MSH3: variants seen among roughly 807,000 people sequenced by gnomAD.
MSH3 encodes mutS homolog 3.
MSH3 carries 106 observed loss-of-function variants against 123.3 expected under a neutral mutation model. That is an observed-to-expected ratio of 0.86 (90% CI 0.73 to 1.01). The LOEUF (loss-of-function observed/expected upper bound fraction) is 1.01, where lower values mean the gene tolerates loss of function less well. Among genes scored for constraint, MSH3 ranks in the 50% least tolerant of loss-of-function variants. The pLI is 0.00. For synonymous variants in MSH3, 515 were observed against 481.4 expected (o/e 1.07, Z -0.91); for missense variants, 1,459 against 1,347.6 (o/e 1.08, Z -1.29).
chr5:80,654,906 C>CG lies in MSH3; in HGVS notation c.179_180insG (p.Ala61ArgfsTer24). 6.6e-7 allele frequency: 1 copy of CG among 1,511,246 alleles called. No homozygotes were observed. Among genetic ancestry groups the CG allele is most frequent in the Non-Finnish European group, 8.8e-7 (1 of 1,135,160 alleles). 93.6% of individuals were successfully genotyped at this position (1,511,246 alleles called of 1,614,324 possible). ...GCAGCGGCTGCAGCGGCCGCAGCGG[C>CG]CGCAGCGCCCCCAGCGCCCCCAGCT... On this transcript the variant is annotated frameshift_variant, in exon 1 of 24. Coordinates refer to ENST00000265081, the MANE Select transcript of MSH3 (RefSeq NM_002439.5). LOFTEE classifies it high-confidence loss of function.
In MSH3 at chr5:80,707,580, CA is replaced by C. The variant is rs772870645; in HGVS notation, c.1341-17868del. 3.6e-4 allele frequency among the ~76,000 whole-genome samples: 54 copies of C among 151,640 alleles called. No individual in the cohort carries two copies. The South Asian group carries it at 5.6e-3, about 16-fold the overall frequency. On this transcript the variant is annotated intron_variant, in intron 8 of 23. Transcript: ENST00000265081. ...TCTAAAAAAAAAAACAAAAAAACCC[CA>C]AAAAGCCAGATGTGGTGGCACAAGC...
intron 17 of MSH3, among the ~76,000 whole-genome samples, chr5:80,779,116 C>G (rs1744363687): frequency 6.6e-6 from 1 of 151,884 alleles, no homozygotes; most frequent in Non-Finnish European, 1.5e-5. Flanking sequence ...CCTCAGCCTC[C>G]TGAGTAGCTG....
chr5:80,845,581 A>G (rs1006358674), intron 20 of MSH3, among the ~76,000 whole-genome samples: 2 of 152,126 alleles, frequency 1.3e-5, no homozygotes, highest in Admixed American at 1.3e-4. Flanking sequence ...CCCATATTTC[A>G]TGGAGGCTTT....
At position 80,761,638 on chromosome 5, in the gene MSH3, C is replaced by A. The variant is rs1346767026; in HGVS notation, c.1856C>A (p.Pro619His). 1 of 1,613,938 alleles carries A rather than the reference C, an allele frequency of 6.2e-7. No individual in the cohort carries two copies. The highest frequency in any genetic ancestry group is 2.2e-5 in the East Asian group (1 of 44,868). ...GQIENHLRKLPDIERGLCSIY... is the reference protein window; with the variant it reads ...GQIENHLRKLHDIERGLCSIY... ...ATAGAAAATCATCTACGTAAATTGC[C>A]CGACATAGAGAGGGGACTCTGTAGC... Residue 619 changes from proline (P) to histidine (H), a missense_variant, in exon 13 of 24, where the codon CCC (proline) becomes CAC (histidine). Pro to His is a moderately conservative substitution (Grantham distance 77). Coordinates refer to ENST00000265081, the MANE Select transcript of MSH3 (RefSeq NM_002439.5).
chr5:80,760,999 T>A (rs1744022099), intron 12 of MSH3, among the ~76,000 whole-genome samples: 2 of 152,298 alleles, frequency 1.3e-5, no homozygotes, highest in South Asian at 4.1e-4. Context: ...TTTCCTTGTA[T>A]GATACCTGCT....
chr5:80,832,820 A>C (rs1040530362), intron 20 of MSH3, among the ~76,000 whole-genome samples: 1 of 152,046 alleles, frequency 6.6e-6, no homozygotes, highest in African/African-American at 2.4e-5. Context: ...TCTACTTAAC[A>C]ATTTTAATAT....
At chr5:80,679,699 G>T (rs1394920860) in intron 8 of MSH3, among the ~76,000 whole-genome samples, 1 of 152,190 alleles carries the variant, frequency 6.6e-6, no homozygotes, top group Non-Finnish European at 1.5e-5. Flanking sequence ...AGAAGATGTG[G>T]TTATGATATA....
chr5:80,836,432 T>C (rs940556990), intron 20 of MSH3, among the ~76,000 whole-genome samples: 3 of 149,526 alleles, frequency 2.0e-5, no homozygotes, highest in Non-Finnish European at 3.0e-5. Flanking sequence ...TTAAGGATGA[T>C]AAGGCTTCCA....
intron 3 of MSH3, among the ~76,000 whole-genome samples, chr5:80,667,161 C>CT (rs1222601779): frequency 6.6e-6 from 1 of 151,962 alleles, no homozygotes; most frequent in African/African-American, 2.4e-5. Context: ...AAGGATAAAA[C>CT]TTTTTTTTCC....
intron 2 of MSH3, among the ~76,000 whole-genome samples, chr5:80,661,366 T>C (rs1242060237): frequency 2.0e-5 from 3 of 152,204 alleles, no homozygotes; most frequent in Non-Finnish European, 4.4e-5. Context: ...TGTACTTCAT[T>C]GTGGATAGAT....
chr5:80,760,659 G>T (rs1439077392), intron 12 of MSH3, among the ~76,000 whole-genome samples: 3 of 152,194 alleles, frequency 2.0e-5, no homozygotes, highest in Non-Finnish European at 4.4e-5. Flanking sequence ...CTCCGTCTAA[G>T]TGGCTTAAAT....
intron 20 of MSH3, among the ~76,000 whole-genome samples, chr5:80,852,351 T>C (rs1449434121): frequency 6.6e-6 from 1 of 152,018 alleles, no homozygotes; most frequent in Non-Finnish European, 1.5e-5. Context: ...AACAAAAAAC[T>C]GTATCCAGTG....
At chr5:80,659,675 C>T (rs1749384374) in intron 2 of MSH3, among the ~76,000 whole-genome samples, 1 of 151,956 alleles carries the variant, frequency 6.6e-6, no homozygotes, top group Non-Finnish European at 1.5e-5. Flanking sequence ...GTATACAGCC[C>T]AGGGGTATTT....
At chr5:80,728,349 T>C (rs1057379736) in intron 9 of MSH3, among the ~76,000 whole-genome samples, 2 of 152,254 alleles carry the variant, frequency 1.3e-5, no homozygotes, top group African/African-American at 4.8e-5. Context: ...CAACATGTTA[T>C]AGATGGCCTT....
At chr5:80,733,381 A>C (rs1270185791) in intron 10 of MSH3, among the ~76,000 whole-genome samples, 1 of 152,186 alleles carries the variant, frequency 6.6e-6, no homozygotes, top group African/African-American at 2.4e-5. Flanking sequence ...CTTAGAAGAA[A>C]ACATAGGTGT....
chr5:80,778,979 TC>T, intron 17 of MSH3, 143 bp downstream of exon 17: 27 of 566,342 alleles, frequency 4.8e-5, no homozygotes, highest in South Asian at 1.1e-4. Flanking sequence ...TGATTTTATT[TC>T]TTTTTTTTTT....
intron 20 of MSH3, among the ~76,000 whole-genome samples, chr5:80,815,694 T>A (rs1476595354): frequency 6.6e-6 from 1 of 152,162 alleles, no homozygotes; most frequent in Non-Finnish European, 1.5e-5. Flanking sequence ...TAAAAAATTT[T>A]TTTAGGACAT....
At position 80,873,260 on chromosome 5, in the gene MSH3, A is replaced by T. The variant is rs960855722; in HGVS notation, c.3275A>T (p.Glu1092Val). The change falls in exon 23 of 24, where the codon GAG becomes GTG. Residue 1092 changes from glutamate (E) to valine (V), a missense_variant. Coordinates refer to ENST00000265081, the MANE Select transcript of MSH3 (RefSeq NM_002439.5). Reference sequence around the variant, plus strand: ...AAGAAAGCAGCTCACAAGTCAAAAGAGCTGGAAGGATTAATAAATACGAAA... The same window carrying T: ...AAGAAAGCAGCTCACAAGTCAAAAGTGCTGGAAGGATTAATAAATACGAAA... ...ILKKAAHKSKELEGLINTKRK... is the reference protein window; with the variant it reads ...ILKKAAHKSKVLEGLINTKRK... The T allele has an allele frequency of 2.8e-5, 45 of 1,613,870 alleles. No homozygotes were observed. Among genetic ancestry groups the T allele is most frequent in the Non-Finnish European group, 3.6e-5 (43 of 1,179,932 alleles).
chr5:80,672,097 TAAAC>T, intron 4 of MSH3, 143 bp from the exon 5 acceptor site: 3 of 678,376 alleles, frequency 4.4e-6, no homozygotes, highest in Admixed American at 5.5e-5. Context: ...AACATTTTTT[TAAAC>T]TTTTTATTGA....
Sources: gnomAD v4.1 joint callset for allele counts (sites outside exome capture counted in the v4.1 genomes callset) on GRCh38, gnomAD v4.1.1 for gene constraint, MANE v1.5 for transcripts, NCBI Gene and HGNC (gene_info 2026-07-23, HGNC 2026-07-21) for gene names.